The following CDON variants were observed in gnomAD, a reference collection of about 807,000 sequenced individuals.
CDON encodes cell adhesion molecule-related/down-regulated by oncogenes.
In CDON, 73 loss-of-function variants were observed where a neutral mutation model predicts 120.9. The ratio of observed to expected loss-of-function variants is 0.60; its 90% confidence interval spans 0.50 to 0.73. The LOEUF is 0.73. CDON is among the 30% of genes least tolerant of loss of function. The pLI is 0.00. For synonymous variants in CDON, 566 were observed against 573.5 expected (o/e 0.99, Z 0.19); for missense variants, 1,470 against 1,587.3 (o/e 0.93, Z 1.26).
Position 126,021,537 on chromosome 11 carries a change from C to T in CDON, c.77-17G>A, listed in dbSNP as rs754943405. ...GTGCCAAGTCTACAAGGGAATATTC[C>T]CCATATGCAAAGAAAGCAGGGGAGA... On this transcript the variant is annotated splice_polypyrimidine_tract_variant and intron_variant, in intron 2 of 19. Coordinates refer to ENST00000531738, the MANE Select transcript of CDON (RefSeq NM_001378964.1). 13 of 1,611,672 alleles carry T rather than the reference C, an allele frequency of 8.1e-6. No individual in the cohort carries two copies. Among genetic ancestry groups the T allele is most frequent in the Non-Finnish European group, 1.0e-5 (12 of 1,178,412 alleles).
chr11:126,038,801 C>A (rs906794929), intron 1 of CDON, among the ~76,000 whole-genome samples: 3 of 152,126 alleles, frequency 2.0e-5, no homozygotes, highest in African/African-American at 7.2e-5. Flanking sequence ...AGCTTCCCTG[C>A]CAACATAAGT....
intron 1 of CDON, among the ~76,000 whole-genome samples, chr11:126,029,691 T>C (rs1214777023): frequency 6.6e-6 from 1 of 152,194 alleles, no homozygotes; most frequent in Non-Finnish European, 1.5e-5. Context: ...TGGTCTCAAA[T>C]GGAATTAGCA....
At chr11:126,028,182 A>C (rs563865317) in intron 1 of CDON, among the ~76,000 whole-genome samples, 2 of 152,144 alleles carry the variant, frequency 1.3e-5, no homozygotes, top group Non-Finnish European at 1.5e-5. Flanking sequence ...CAGAAAATAC[A>C]TAAACGTATA....
At chr11:125,968,624 C>G (rs1330568989) in intron 18 of CDON, among the ~76,000 whole-genome samples, 2 of 152,208 alleles carry the variant, frequency 1.3e-5, no homozygotes, top group Admixed American at 1.3e-4. Flanking sequence ...ATAAGTAAAA[C>G]AGGAAATCAT....
chr11:126,009,181 A>T (rs1947218474), intron 8 of CDON, among the ~76,000 whole-genome samples: 1 of 152,210 alleles, frequency 6.6e-6, no homozygotes, highest in South Asian at 2.1e-4. Flanking sequence ...TCTAACATGC[A>T]CAAGAGGATA....
intron 1 of CDON, among the ~76,000 whole-genome samples, chr11:126,052,023 AAT>A (rs2134920115): frequency 6.6e-6 from 1 of 152,318 alleles, no homozygotes; most frequent in African/African-American, 2.4e-5. Context: ...TTGCTAGCCT[AAT>A]AGGAAACCAC....
At chr11:126,027,499 T>TATGTGTGTGTATATATACATGCAAATGC (rs1565539542) in intron 1 of CDON, among the ~76,000 whole-genome samples, 7 of 152,202 alleles carry the variant, frequency 4.6e-5, no homozygotes, top group Non-Finnish European at 7.4e-5. Flanking sequence ...AATTTATTCA[T>TATGTGTGTGTATATATACATGCAAATGC]ATGTGTGTGT....
intron 1 of CDON, among the ~76,000 whole-genome samples, chr11:126,049,022 C>T (rs1244598437): frequency 1.3e-5 from 2 of 151,756 alleles, no homozygotes; most frequent in Non-Finnish European, 2.9e-5. Context: ...TGAGCCACCG[C>T]GCCCAGCCCA....
chr11:126,032,926 G>A (rs1947982178), intron 1 of CDON, among the ~76,000 whole-genome samples: 1 of 152,068 alleles, frequency 6.6e-6, no homozygotes, highest in Admixed American at 6.6e-5. Context: ...GAGGATCCCT[G>A]GAGCCCAGGA....
chr11:126,041,167 G>A (rs1052131323), intron 1 of CDON, among the ~76,000 whole-genome samples: 4 of 150,300 alleles, frequency 2.7e-5, no homozygotes, highest in Non-Finnish European at 4.4e-5. Flanking sequence ...ACTCCAGCCC[G>A]GGCGACAGAG....
intron 1 of CDON, among the ~76,000 whole-genome samples, chr11:126,052,821 TCA>T (rs1948596933): frequency 1.5e-5 from 2 of 134,470 alleles, no homozygotes; most frequent in African/African-American, 6.0e-5. Flanking sequence ...AGACTCCGTC[TCA>T]AAAAAAAAAA....
At chr11:126,000,011 T>C (rs576134) in intron 11 of CDON, among the ~76,000 whole-genome samples, 96,715 of 151,642 alleles carry the variant, frequency 0.64, 31,110 homozygotes, top group African/African-American at 0.71. Flanking sequence ...TCCTTTGAAG[T>C]TTAGCTTATG....
intron 1 of CDON, among the ~76,000 whole-genome samples, chr11:126,060,129 T>C (rs1005562651): frequency 6.6e-6 from 1 of 152,076 alleles, no homozygotes; most frequent in African/African-American, 2.4e-5. Context: ...TTACATACAA[T>C]ATAAAAATTT....
intron 3 of CDON, 37 bp downstream of exon 3, chr11:126,021,211 G>GAAAACCCATACC: frequency 6.3e-7 from 1 of 1,593,374 alleles, no homozygotes; most frequent in South Asian, 1.1e-5. Flanking sequence ...GTAATTTCAA[G>GAAAACCCATACC]AAAACCCATA....
At position 126,026,789 on chromosome 11, in the gene CDON, C is replaced by T. The variant is rs138208971; in HGVS notation, c.-61-3252G>A. ...CTTGGTTCAAGGGTAAGAACTGACA[C>T]ACCACTGGAAAGCAGTCAAGGCAAA... On this transcript the variant is annotated intron_variant, in intron 1 of 19. Coordinates refer to ENST00000531738, the MANE Select transcript of CDON (RefSeq NM_001378964.1). Among the ~76,000 whole-genome samples, 458 of 152,328 alleles carry T rather than the reference C, an allele frequency of 3.0e-3. 3 individuals carry two copies. The highest frequency in any genetic ancestry group is 9.8e-3 in the African/African-American group (409 of 41,568).
intron 1 of CDON, among the ~76,000 whole-genome samples, chr11:126,027,540 T>C (rs1947825343): frequency 1.3e-5 from 2 of 152,208 alleles, no homozygotes; most frequent in Non-Finnish European, 2.9e-5. Context: ...GTGTGTGTAC[T>C]TAAGTTCCCC....
At chr11:126,020,987 T>C (rs919955917) in intron 3 of CDON, among the ~76,000 whole-genome samples, 6 of 87,340 alleles carry the variant, frequency 6.9e-5, no homozygotes, top group African/African-American at 3.3e-4. Flanking sequence ...GCAGAGATTA[T>C]AAAGAAAAAA....
At chr11:125,990,216 T>TA (rs781125090) in intron 14 of CDON, among the ~76,000 whole-genome samples, 1 of 152,144 alleles carries the variant, frequency 6.6e-6, no homozygotes, top group Non-Finnish European at 1.5e-5. Context: ...AGAATGGCCT[T>TA]AGCAAAGCTC....
chr11:125,974,364 GGTA>G (rs1946090821), intron 18 of CDON, among the ~76,000 whole-genome samples: 1 of 71,978 alleles, frequency 1.4e-5, no homozygotes, highest in Non-Finnish European at 2.8e-5. Flanking sequence ...TAGGTAGGTA[GGTA>G]GGAAGGAAGG....
Sources: gnomAD v4.1 joint callset for allele counts (sites outside exome capture counted in the v4.1 genomes callset) on GRCh38, gnomAD v4.1.1 for gene constraint, MANE v1.5 for transcripts, NCBI Gene and HGNC (gene_info 2026-07-23, HGNC 2026-07-21) for gene names.